Variants in MDGA2 observed in about 807,000 individuals in gnomAD.
MDGA2 encodes the protein MAM domain-containing glycosylphosphatidylinositol anchor protein 2.
Under a neutral mutation model 117.8 loss-of-function variants are expected in MDGA2, and 40 were observed. The ratio of observed to expected loss-of-function variants is 0.34; its 90% CI spans 0.26 to 0.44. The LOEUF (loss-of-function observed/expected upper bound fraction) is 0.44, where lower values mean the gene tolerates loss of function less well. MDGA2 is among the 20% of genes least tolerant of loss of function. The pLI is 1.00. For synonymous variants in MDGA2, 452 were observed against 439.0 expected, an observed-to-expected ratio of 1.03 and a Z score of -0.37; for missense variants, 1,123 against 1,250.6, an observed-to-expected ratio of 0.90 and a Z score of 1.54.
At chr14:47,403,652 T>C (rs1179610532) in intron 1 of MDGA2, among the ~76,000 whole-genome samples, 1 of 152,154 alleles carries the variant, frequency 6.6e-6, no homozygotes, top group East Asian at 1.9e-4. Flanking sequence ...ATCATTTCCA[T>C]GACCATCACC....
chr14:47,259,564 A>C (rs1887728832), intron 2 of MDGA2, among the ~76,000 whole-genome samples: 1 of 152,094 alleles, frequency 6.6e-6, no homozygotes, highest in Non-Finnish European at 1.5e-5. Flanking sequence ...TTTCTAAATC[A>C]AATTTGAACA....
At chr14:47,114,928 G>A (rs1285979784) in intron 5 of MDGA2, among the ~76,000 whole-genome samples, 3 of 145,808 alleles carry the variant, frequency 2.1e-5, no homozygotes, top group African/African-American at 5.1e-5. Context: ...AATGGGACCC[G>A]AGTAATCCAA....
chr14:47,423,618 G>T (rs1287995765), intron 1 of MDGA2, among the ~76,000 whole-genome samples: 1 of 151,856 alleles, frequency 6.6e-6, no homozygotes, highest in East Asian at 1.9e-4. Context: ...CTGAAATTTA[G>T]TATGTATTCT....
intron 5 of MDGA2, among the ~76,000 whole-genome samples, chr14:47,124,250 G>A (rs1881790196): frequency 6.6e-6 from 1 of 152,056 alleles, no homozygotes; most frequent in African/African-American, 2.4e-5. Context: ...CAAGTTCACT[G>A]ACTTATCATT....
At chr14:47,025,798 T>C (rs955965600) in intron 8 of MDGA2, among the ~76,000 whole-genome samples, 1 of 152,144 alleles carries the variant, frequency 6.6e-6, no homozygotes, top group Non-Finnish European at 1.5e-5. Context: ...AGCCATGGTC[T>C]CTACTCTCTA....
chr14:46,928,735 C>G (rs191085494), intron 9 of MDGA2, among the ~76,000 whole-genome samples: 63 of 152,224 alleles, frequency 4.1e-4, no homozygotes, highest in African/African-American at 1.4e-3. Flanking sequence ...TCTTTTAATA[C>G]CAAAATCATG....
At chr14:47,265,283 G>A (rs1887928899) in intron 2 of MDGA2, among the ~76,000 whole-genome samples, 2 of 151,954 alleles carry the variant, frequency 1.3e-5, no homozygotes, top group African/African-American at 4.8e-5. Flanking sequence ...TATTACATTT[G>A]GTTTTAATAT....
At chr14:47,316,190 C>T (rs1889804541) in intron 1 of MDGA2, among the ~76,000 whole-genome samples, 1 of 152,064 alleles carries the variant, frequency 6.6e-6, no homozygotes. Flanking sequence ...TACTTTCTGG[C>T]TCATGGCATT....
intron 14 of MDGA2, among the ~76,000 whole-genome samples, chr14:46,866,179 G>A (rs1004546886): frequency 3.3e-5 from 5 of 151,988 alleles, no homozygotes; most frequent in African/African-American, 1.2e-4. Context: ...GCATGGTACT[G>A]GTACCAAAAC....
chr14:47,020,780 A>G lies in MDGA2; in HGVS notation c.1819+14231T>C, dbSNP rs903608286. Among the ~76,000 whole-genome samples, 11 of 152,152 alleles carry G rather than the reference A, an allele frequency of 7.2e-5. 1 individual carries two copies. Among genetic ancestry groups the G allele is most frequent in the African/African-American group, 2.4e-4 (10 of 41,434 alleles). On this transcript the variant is annotated intron_variant, in intron 8 of 16. Transcript: ENST00000399232. ...CAATTCAAATGTTTTTCAACTCCAG[A>G]CAAATGTATTTGTGTGGGCTGAACA... is the stretch of plus-strand genomic sequence containing the variant.
chr14:47,654,301 G>A (rs1375215825), intron 1 of MDGA2, among the ~76,000 whole-genome samples: 1 of 152,068 alleles, frequency 6.6e-6, no homozygotes, highest in Non-Finnish European at 1.5e-5. Flanking sequence ...CGATCATCAG[G>A]TTCCTATGGA....
At chr14:47,569,313 T>G (rs570251870) in intron 1 of MDGA2, among the ~76,000 whole-genome samples, 1 of 152,330 alleles carries the variant, frequency 6.6e-6, no homozygotes, top group Non-Finnish European at 1.5e-5. Context: ...ACAATTTTGT[T>G]CATGCATCTT....
At chr14:46,959,837 G>T (rs1885721140) in intron 8 of MDGA2, among the ~76,000 whole-genome samples, 1 of 152,146 alleles carries the variant, frequency 6.6e-6, no homozygotes, top group South Asian at 2.1e-4. Context: ...TACTACTGAA[G>T]AACACAATAA....
chr14:47,005,120 G>A (rs1887666556), intron 8 of MDGA2, among the ~76,000 whole-genome samples: 1 of 151,538 alleles, frequency 6.6e-6, no homozygotes, highest in Admixed American at 6.6e-5. Flanking sequence ...GTAATAGCTA[G>A]AACCTCTAGT....
intron 1 of MDGA2, among the ~76,000 whole-genome samples, chr14:47,552,928 T>C (rs1001244194): frequency 1.3e-5 from 2 of 152,218 alleles, no homozygotes; most frequent in Non-Finnish European, 2.9e-5. Flanking sequence ...CCCTCAGCTA[T>C]CTGCTGGCTG....
chr14:47,003,262 G>A (rs1182050256), intron 8 of MDGA2, among the ~76,000 whole-genome samples: 1 of 151,880 alleles, frequency 6.6e-6, no homozygotes, highest in Non-Finnish European at 1.5e-5. Flanking sequence ...AAGATGCTAT[G>A]TACCTTTGTG....
chr14:47,529,091 C>T (rs754989799), intron 1 of MDGA2, among the ~76,000 whole-genome samples: 10 of 151,828 alleles, frequency 6.6e-5, no homozygotes, highest in South Asian at 2.1e-4. Flanking sequence ...CTCCGCCCCC[C>T]GGGTTCACAC....
At chr14:47,199,706 T>C (rs2139435913) in intron 3 of MDGA2, among the ~76,000 whole-genome samples, 1 of 152,294 alleles carries the variant, frequency 6.6e-6, no homozygotes, top group African/African-American at 2.4e-5. Flanking sequence ...ATTTGTTACA[T>C]AATTGAAGAA....
At chr14:47,287,453 G>A (rs34506308) in intron 2 of MDGA2, among the ~76,000 whole-genome samples, 1 of 152,046 alleles carries the variant, frequency 6.6e-6, no homozygotes, top group Non-Finnish European at 1.5e-5. Context: ...TATTTATGGT[G>A]TACAATGTGA....
Sources: allele counts gnomAD v4.1 joint callset (sites outside exome capture counted in the v4.1 genomes callset), GRCh38; gene constraint gnomAD v4.1.1; transcripts MANE v1.5; gene names NCBI Gene and HGNC (gene_info 2026-07-23, HGNC 2026-07-21).